The following FAAH2 variants were observed in gnomAD, a reference collection of about 807,000 sequenced individuals.
The protein encoded by FAAH2 is fatty-acid amide hydrolase 2.
In FAAH2, 60 loss-of-function variants were observed where a neutral mutation model predicts 36.9. The ratio of observed to expected loss-of-function variants is 1.63; its 90% confidence interval spans 1.32 to 2.02. The LOEUF is 2.02. Ranked by LOEUF, FAAH2 falls within the 30% of genes most tolerant of loss-of-function variation. FAAH2 has a pLI of 0.00. For synonymous variants in FAAH2, 214 were observed against 143.8 expected (o/e 1.49, Z -3.49); for missense variants, 689 against 397.5 (o/e 1.73, Z -6.23).
At chrX:57,346,022 G>A (rs1429408539) in intron 5 of FAAH2, among the ~76,000 whole-genome samples, 1 of 111,074 alleles carries the variant, frequency 9.0e-6, no homozygotes, top group Non-Finnish European at 1.9e-5. Context: ...TGAATTTATT[G>A]AGACTTGCTG....
the FAAH2 span, among the ~76,000 whole-genome samples, chrX:57,169,161 G>A: frequency 9.1e-6 from 1 of 109,647 alleles, no homozygotes; most frequent in Non-Finnish European, 1.9e-5. Flanking sequence ...TTATGAAGAC[G>A]TCAGTACTAT....
At position 57,361,717 on chromosome X, in the gene FAAH2, T is replaced by C. The variant is rs147562900; in HGVS notation, c.743-16934T>C. Among the ~76,000 whole-genome samples, 254 of 111,509 alleles carry C rather than the reference T, an allele frequency of 2.3e-3. 2 individuals carry two copies. The highest frequency in any genetic ancestry group is 3.8e-3 in the Non-Finnish European group (200 of 53,070). Reference sequence around the variant, plus strand: ...TTGTAGCCCAATATGTGTTCTCTCTTGGAGAATGTCCATGAAATGATGAGA... The same window carrying C: ...TTGTAGCCCAATATGTGTTCTCTCTCGGAGAATGTCCATGAAATGATGAGA... On this transcript the variant is annotated intron_variant, in intron 5 of 10. Coordinates refer to ENST00000374900, the MANE Select transcript of FAAH2 (RefSeq NM_174912.4).
the FAAH2 span, among the ~76,000 whole-genome samples, chrX:57,274,536 A>G: frequency 8.9e-6 from 1 of 112,274 alleles, no homozygotes; most frequent in Non-Finnish European, 1.9e-5. Flanking sequence ...ATCCAGCAGC[A>G]CATCAAAAAG....
the FAAH2 span, among the ~76,000 whole-genome samples, chrX:57,150,838 G>A: frequency 3.4e-3 from 379 of 112,066 alleles, 2 homozygotes; most frequent in African/African-American, 0.012. Flanking sequence ...GTTAGTTGAT[G>A]CAGTTTCTGC....
intron 2 of FAAH2, among the ~76,000 whole-genome samples, chrX:57,309,799 T>C (rs1405416576): frequency 8.9e-6 from 1 of 112,177 alleles, no homozygotes; most frequent in Non-Finnish European, 1.9e-5. Flanking sequence ...TTCTTTTTGA[T>C]GTACCACATT....
chrX:57,382,749 A>C (rs2054889300), intron 7 of FAAH2, among the ~76,000 whole-genome samples: 1 of 111,415 alleles, frequency 9.0e-6, no homozygotes, highest in African/African-American at 3.3e-5. Context: ...CCAGAGGTAC[A>C]AGGAGGAGCT....
chrX:57,158,213 G>C, the FAAH2 span, among the ~76,000 whole-genome samples: 4 of 111,877 alleles, frequency 3.6e-5, no homozygotes, highest in East Asian at 1.1e-3. Flanking sequence ...ATTCCATGGC[G>C]TATATGTGCC....
chrX:57,200,686 C>T, the FAAH2 span, among the ~76,000 whole-genome samples: 36 of 111,593 alleles, frequency 3.2e-4, no homozygotes, highest in Admixed American at 6.6e-4. Flanking sequence ...CTCATCCTTC[C>T]ACTGTTTAAT....
At chrX:57,423,231 T>A (rs1188536594) in intron 7 of FAAH2, among the ~76,000 whole-genome samples, 4 of 111,846 alleles carry the variant, frequency 3.6e-5, no homozygotes, top group Non-Finnish European at 7.5e-5. Context: ...CCAGAATGGG[T>A]GAAAGTCTCC....
intron 10 of FAAH2, among the ~76,000 whole-genome samples, chrX:57,466,128 ATCTCTCTC>A (rs66516710): frequency 3.0e-4 from 21 of 70,799 alleles, no homozygotes; most frequent in Non-Finnish European, 5.0e-4. Flanking sequence ...TTGTTGGATT[ATCTCTCTC>A]TCTCTCTCTC....
At chrX:57,349,170 T>C (rs1162239487) in intron 5 of FAAH2, among the ~76,000 whole-genome samples, 3 of 53,023 alleles carry the variant, frequency 5.7e-5, no homozygotes, top group South Asian at 9.3e-4. Flanking sequence ...TATATACACA[T>C]ATATATGTAT....
At chrX:57,467,360 G>T (rs1029833302) in intron 10 of FAAH2, among the ~76,000 whole-genome samples, 2 of 111,293 alleles carry the variant, frequency 1.8e-5, no homozygotes, top group South Asian at 7.6e-4. Context: ...GTCAAAGAAA[G>T]GGGTGACAGA....
intron 7 of FAAH2, among the ~76,000 whole-genome samples, chrX:57,391,534 G>A (rs1022405604): frequency 1.2e-4 from 13 of 110,362 alleles, no homozygotes; most frequent in African/African-American, 3.9e-4. Context: ...AATATGGCTA[G>A]CCAATTTTGC....
At chrX:57,220,448 G>T in the FAAH2 span, among the ~76,000 whole-genome samples, 3 of 111,005 alleles carry the variant, frequency 2.7e-5, no homozygotes, top group African/African-American at 9.9e-5. Flanking sequence ...CCCTCAGAAG[G>T]AATCAGTATT....
At chrX:57,216,596 A>ATG in the FAAH2 span, among the ~76,000 whole-genome samples, 1 of 2,859 alleles carries the variant, frequency 3.5e-4, no homozygotes, top group Non-Finnish European at 1.2e-3. Flanking sequence ...ATGTATATAT[A>ATG]TGTATATATA....
At chrX:57,390,717 G>C (rs1409488657) in intron 7 of FAAH2, among the ~76,000 whole-genome samples, 1 of 111,466 alleles carries the variant, frequency 9.0e-6, no homozygotes, top group Non-Finnish European at 1.9e-5. Context: ...TCTTTATCCA[G>C]TCAACCATTG....
intron 8 of FAAH2, among the ~76,000 whole-genome samples, chrX:57,437,128 ATATAATTATC>A (rs762406252): frequency 5.2e-4 from 58 of 111,944 alleles, no homozygotes; most frequent in Non-Finnish European, 1.0e-3. Flanking sequence ...TAACAAAACC[ATATAATTATC>A]TCAAGAGATG....
chrX:57,455,445 T>C (rs1051054645), intron 10 of FAAH2, among the ~76,000 whole-genome samples: 1 of 110,659 alleles, frequency 9.0e-6, no homozygotes, highest in Non-Finnish European at 1.9e-5. Flanking sequence ...ATCTCATAAA[T>C]TAATACTAAC....
At chrX:57,246,979 A>G in the FAAH2 span, among the ~76,000 whole-genome samples, 1 of 111,935 alleles carries the variant, frequency 8.9e-6, no homozygotes, top group African/African-American at 3.2e-5. Context: ...ATGGCTAGGT[A>G]TAAAAACTTT....
Sources: gnomAD v4.1 joint callset for allele counts (sites outside exome capture counted in the v4.1 genomes callset) on GRCh38, gnomAD v4.1.1 for gene constraint, MANE v1.5 for transcripts, NCBI Gene and HGNC (gene_info 2026-07-23, HGNC 2026-07-21) for gene names.